The following NXPH1 variants were observed in gnomAD, a reference collection of about 807,000 sequenced individuals.
NXPH1 encodes the protein neurexophilin 1, also known as neurexophilin-1.
A neutral mutation model predicts 23.7 loss-of-function variants in NXPH1; 5 were observed. The ratio of observed to expected loss-of-function variants is 0.21; its 90% confidence interval spans 0.11 to 0.44. The LOEUF (loss-of-function observed/expected upper bound fraction) is 0.44, where lower values mean the gene tolerates loss of function less well. Ranked by LOEUF, NXPH1 falls within the 20% of genes least tolerant of loss-of-function variation. NXPH1 has a pLI of 0.99. For synonymous variants in NXPH1, 144 were observed against 122.2 expected (o/e 1.18, Z -1.18); for missense variants, 324 against 321.6 (o/e 1.01, Z -0.06).
intron 2 of NXPH1, among the ~76,000 whole-genome samples, chr7:8,455,009 T>C (rs1255320151): frequency 6.6e-6 from 1 of 152,208 alleles, no homozygotes; most frequent in Non-Finnish European, 1.5e-5. Context: ...AAGTCTAATT[T>C]ATGATGCTGT....
intron 2 of NXPH1, among the ~76,000 whole-genome samples, chr7:8,683,934 T>C (rs1447794460): frequency 1.3e-5 from 2 of 152,198 alleles, no homozygotes; most frequent in South Asian, 2.1e-4. Flanking sequence ...GGAGACCTTA[T>C]TTCTACTATG....
chr7:8,672,377 G>A (rs919001238), intron 2 of NXPH1, among the ~76,000 whole-genome samples: 9 of 151,934 alleles, frequency 5.9e-5, no homozygotes, highest in African/African-American at 2.2e-4. Context: ...GCTAAATGAC[G>A]AGTTAATGGG....
chr7:8,522,261 T>C (rs760027425), intron 2 of NXPH1, among the ~76,000 whole-genome samples: 1 of 152,164 alleles, frequency 6.6e-6, no homozygotes, highest in Non-Finnish European at 1.5e-5. Context: ...ACACCAAGCA[T>C]GAGTCTAGCT....
At chr7:8,693,577 A>G (rs1821255607) in intron 2 of NXPH1, among the ~76,000 whole-genome samples, 1 of 152,226 alleles carries the variant, frequency 6.6e-6, no homozygotes, top group Non-Finnish European at 1.5e-5. Flanking sequence ...TCTATGTCAC[A>G]AGATTGTTGT....
chr7:8,610,715 T>G (rs969081767), intron 2 of NXPH1, among the ~76,000 whole-genome samples: 1 of 152,148 alleles, frequency 6.6e-6, no homozygotes, highest in Non-Finnish European at 1.5e-5. Flanking sequence ...AATTTTTATA[T>G]GATTAACATG....
intron 2 of NXPH1, among the ~76,000 whole-genome samples, chr7:8,441,539 A>G (rs904250620): frequency 6.6e-6 from 1 of 152,134 alleles, no homozygotes; most frequent in Non-Finnish European, 1.5e-5. Context: ...CACTCAATTT[A>G]TTGTGAAAGT....
intron 2 of NXPH1, among the ~76,000 whole-genome samples, chr7:8,682,047 C>T (rs146642604): frequency 6.6e-6 from 1 of 152,062 alleles, no homozygotes; most frequent in African/African-American, 2.4e-5. Context: ...GGTGAGCATG[C>T]CAGTGGAAGG....
At chr7:8,726,279 CT>C (rs1005642586) in intron 2 of NXPH1, among the ~76,000 whole-genome samples, 539 of 127,504 alleles carry the variant, frequency 4.2e-3, no homozygotes, top group Middle Eastern at 8.5e-3. Flanking sequence ...GCTTCTTTTT[CT>C]TTTTTTTTTT....
chr7:8,650,269 T>C (rs1445772325), intron 2 of NXPH1, among the ~76,000 whole-genome samples: 1 of 152,238 alleles, frequency 6.6e-6, no homozygotes, highest in East Asian at 1.9e-4. Context: ...ATTTGCTAAA[T>C]ATGTAAAAAA....
intron 2 of NXPH1, among the ~76,000 whole-genome samples, chr7:8,631,211 T>C (rs1820121346): frequency 1.3e-5 from 2 of 152,184 alleles, no homozygotes. Flanking sequence ...ATAGTTTTGT[T>C]ATCATGAATA....
At chr7:8,660,439 T>G (rs4725112) in intron 2 of NXPH1, among the ~76,000 whole-genome samples, 106,352 of 152,116 alleles carry the variant, frequency 0.7, 37,878 homozygotes, top group East Asian at 1. Flanking sequence ...CATAGTATTT[T>G]TTGCTAAAAC....
chr7:8,634,586 A>C (rs1035667729), intron 2 of NXPH1, among the ~76,000 whole-genome samples: 3 of 151,732 alleles, frequency 2.0e-5, no homozygotes, highest in Non-Finnish European at 4.4e-5. Context: ...GCATTAACTT[A>C]CAAAGCAAGA....
intron 2 of NXPH1, among the ~76,000 whole-genome samples, chr7:8,745,850 A>G (rs1272317623): frequency 6.6e-6 from 1 of 150,946 alleles, no homozygotes; most frequent in Non-Finnish European, 1.5e-5. Flanking sequence ...TTCAGGCGAG[A>G]GCTACTGTCC....
chr7:8,495,665 G>A (rs1054422982), intron 2 of NXPH1, among the ~76,000 whole-genome samples: 25 of 152,064 alleles, frequency 1.6e-4, no homozygotes, highest in African/African-American at 5.6e-4. Context: ...TTGTGGATAT[G>A]CAGAGGAAGA....
chr7:8,552,925 T>C (rs1167667485), intron 2 of NXPH1, among the ~76,000 whole-genome samples: 2 of 151,586 alleles, frequency 1.3e-5, no homozygotes, highest in Non-Finnish European at 3.0e-5. Flanking sequence ...TGGTCACGTA[T>C]GAAGTGTATT....
chr7:8,538,883 G>C (rs1052226345), intron 2 of NXPH1, among the ~76,000 whole-genome samples: 1 of 151,950 alleles, frequency 6.6e-6, no homozygotes, highest in African/African-American at 2.4e-5. Context: ...GCATTTAAGA[G>C]GGTGGGCAGG....
At chr7:8,565,036 T>C (rs766454267) in intron 2 of NXPH1, among the ~76,000 whole-genome samples, 2 of 151,778 alleles carry the variant, frequency 1.3e-5, no homozygotes, top group African/African-American at 2.4e-5. Context: ...AGTAATAAAA[T>C]AGGGAGCTTT....
intron 2 of NXPH1, among the ~76,000 whole-genome samples, chr7:8,487,678 C>A (rs1195452866): frequency 6.6e-6 from 1 of 152,064 alleles, no homozygotes; most frequent in Non-Finnish European, 1.5e-5. Flanking sequence ...CTTTTTACTT[C>A]ATTCACTAGC....
chr7:8,508,926 G>C (rs908040092), intron 2 of NXPH1, among the ~76,000 whole-genome samples: 1 of 152,054 alleles, frequency 6.6e-6, no homozygotes, highest in African/African-American at 2.4e-5. Flanking sequence ...AATAGGACTA[G>C]ATCCATGGCC....
Sources: allele counts gnomAD v4.1 joint callset (sites outside exome capture counted in the v4.1 genomes callset), GRCh38; gene constraint gnomAD v4.1.1; transcripts MANE v1.5; gene names NCBI Gene and HGNC (gene_info 2026-07-23, HGNC 2026-07-21).